GP6: variants seen among roughly 807,000 people sequenced by gnomAD.
The protein encoded by GP6 is platelet glycoprotein VI.
GP6 carries 45 observed loss-of-function variants against 37.3 expected under a neutral mutation model. That is an observed-to-expected ratio of 1.21 (90% CI 0.95 to 1.55). The LOEUF (loss-of-function observed/expected upper bound fraction) is 1.55. Among genes scored for constraint, GP6 ranks in the 40% most tolerant of loss-of-function variants. The pLI is 0.00. For synonymous variants in GP6, 340 were observed against 316.4 expected (o/e 1.07, Z -0.79); for missense variants, 813 against 760.2 (o/e 1.07, Z -0.82).
At chr19:55,035,082 T>TC (rs1396147342) in intron 1 of GP6, among the ~76,000 whole-genome samples, 3 of 152,314 alleles carry the variant, frequency 2.0e-5, no homozygotes, top group Admixed American at 6.5e-5. Context: ...GTGCATGGAC[T>TC]CCAAGTCGCC....
At chr19:55,021,422 T>A (rs1374041534) in intron 5 of GP6, among the ~76,000 whole-genome samples, 2 of 151,676 alleles carry the variant, frequency 1.3e-5, no homozygotes, top group African/African-American at 4.8e-5. Context: ...ATCACCACAC[T>A]GTCTTCCACA....
At chr19:55,034,059 T>G (rs1374229385) in intron 1 of GP6, among the ~76,000 whole-genome samples, 1 of 151,968 alleles carries the variant, frequency 6.6e-6, no homozygotes, top group East Asian at 1.9e-4. Context: ...AGTGCATATA[T>G]GTAAACCTAC....
At chr19:55,018,541 A>T in intron 6 of GP6, 111 bp downstream of exon 6, 2 of 795,722 alleles carry the variant, frequency 2.5e-6, no homozygotes, top group Non-Finnish European at 4.6e-6. Flanking sequence ...TTTCTTGGTA[A>T]GAGACGGACA....
At chr19:55,029,027 GAAGT>G (rs910908710) in intron 3 of GP6, among the ~76,000 whole-genome samples, 14 of 148,822 alleles carry the variant, frequency 9.4e-5, no homozygotes, top group African/African-American at 2.8e-4. Context: ...CAAAAGAAAG[GAAGT>G]AAGGAAGATA....
At position 55,018,683 on chromosome 19, in the gene GP6, G is replaced by C. The variant is rs764192104; in HGVS notation, c.693C>G (p.Thr231=). 1 of 1,608,460 alleles carries C rather than the reference G, an allele frequency of 6.2e-7. No individual in the cohort carries two copies. The highest frequency in any genetic ancestry group is 2.2e-5 in the East Asian group (1 of 44,868). ...TGAAGACTTCGTTTGTGAATGAGAC[G>C]GTCAGTTCAGCGGTGGCTTCTGAGA... The change falls in exon 6 of 8, where the codon ACC becomes ACG. Residue 231 remains threonine (T), a synonymous_variant. Coordinates refer to ENST00000310373, the MANE Select transcript of GP6 (RefSeq NM_001083899.2).
Position 55,014,701 on chromosome 19 carries a change from C to A in GP6, c.1244G>T (p.Gly415Val). Residue 415 changes from glycine (G) to valine (V), a missense_variant, in exon 8 of 8, where the codon GGA (glycine) becomes GTA (valine). Coordinates refer to ENST00000310373, the MANE Select transcript of GP6 (RefSeq NM_001083899.2). Reference sequence around the variant, plus strand: ...AGGATGGGGTCTCCACAGATTCCTTCCATCCCAAATGGAGGGTGCCCTCAG... The same window carrying A: ...AGGATGGGGTCTCCACAGATTCCTTACATCCCAAATGGAGGGTGCCCTCAG... 6.2e-7 allele frequency: 1 copy of A among 1,614,092 alleles called. No homozygotes were observed.
chr19:55,023,986 A>T (rs2074176050), intron 5 of GP6, among the ~76,000 whole-genome samples: 1 of 152,146 alleles, frequency 6.6e-6, no homozygotes, highest in Non-Finnish European at 1.5e-5. Context: ...AGCCCAAGGG[A>T]GGCCCTTGTG....
chr19:55,027,526 A>G, intron 4 of GP6, 52 bp downstream of exon 4: 2 of 1,471,084 alleles, frequency 1.4e-6, no homozygotes, highest in Middle Eastern at 2.0e-4. Context: ...TGGAATGGCC[A>G]TCAGGACCTA....
At chr19:55,034,716 T>TACACACACACACACACAC (rs796869786) in intron 1 of GP6, among the ~76,000 whole-genome samples, 16 of 148,042 alleles carry the variant, frequency 1.1e-4, no homozygotes, top group African/African-American at 3.7e-4. Context: ...CCCTCATTCT[T>TACACACACACACACACAC]ACACACACAC....
At chr19:55,034,104 G>GTA (rs1349404434) in intron 1 of GP6, among the ~76,000 whole-genome samples, 2 of 149,982 alleles carry the variant, frequency 1.3e-5, no homozygotes, top group South Asian at 4.2e-4. Flanking sequence ...ATATACACGT[G>GTA]TGTACATACA....
In GP6 at chr19:55,014,682, G is replaced by A; in HGVS notation, c.1263C>T (p.Pro421=). The change falls in exon 8 of 8, where the codon CCC becomes CCT. Residue 421 remains proline, a synonymous_variant. Transcript: ENST00000310373. ...TCCACAGTGTGCAGGGAGGAGGATG[G>A]GGTCTCCACAGATTCCTTCCATCCC... The A allele has an allele frequency of 6.2e-7, 1 of 1,613,802 alleles. No homozygotes were observed.
chr19:55,026,841 G>C (rs551414451), intron 4 of GP6, among the ~76,000 whole-genome samples: 21 of 151,634 alleles, frequency 1.4e-4, no homozygotes, highest in Admixed American at 7.9e-4. Context: ...AGCTGAGATC[G>C]CGCCACTGCA....
rs753216495 is a variant in GP6, at chr19:55,027,625, G to C, written c.563C>G (p.Pro188Arg). The C allele has an allele frequency of 1.2e-6, 2 of 1,613,662 alleles. No homozygotes were observed. The highest frequency in any genetic ancestry group is 1.1e-5 in the South Asian group (1 of 91,074). Residue 188 changes from proline (P) to arginine (R), a missense_variant, in exon 4 of 8, where the codon CCA (proline) becomes CGA (arginine). Coordinates refer to ENST00000310373, the MANE Select transcript of GP6 (RefSeq NM_001083899.2). The stretch of plus-strand genomic sequence containing the variant: ...GTCGCTGGGGGCTGACCACAGGTAT[G>C]GGTCCCTGCTGGAGAAGCTGTAGCA...
intron 1 of GP6, among the ~76,000 whole-genome samples, chr19:55,035,995 C>T (rs2074815142): frequency 6.6e-6 from 1 of 151,510 alleles, no homozygotes; most frequent in Non-Finnish European, 1.5e-5. Flanking sequence ...ATCACTTAAA[C>T]CCGGGAGGTG....
At chr19:55,035,747 C>T (rs777284693) in intron 1 of GP6, among the ~76,000 whole-genome samples, 8 of 151,872 alleles carry the variant, frequency 5.3e-5, no homozygotes, top group Non-Finnish European at 8.8e-5. Flanking sequence ...AATAAATGAG[C>T]GTGGAATACT....
At chr19:55,024,304 A>G (rs796497860) in intron 5 of GP6, among the ~76,000 whole-genome samples, 31 of 75,728 alleles carry the variant, frequency 4.1e-4, no homozygotes, top group East Asian at 3.5e-3. Context: ...ACGCATGCAC[A>G]CACATATGCA....
intron 5 of GP6, among the ~76,000 whole-genome samples, chr19:55,024,494 T>G (rs2074231071): frequency 6.6e-6 from 1 of 152,180 alleles, no homozygotes; most frequent in Admixed American, 6.5e-5. Context: ...TCTCCTGCCT[T>G]GGTGCTTCAC....
chr19:55,016,368 G>A (rs1019254109), intron 6 of GP6, among the ~76,000 whole-genome samples: 2 of 139,090 alleles, frequency 1.4e-5, no homozygotes, highest in Non-Finnish European at 3.0e-5. Flanking sequence ...CACCTCATAC[G>A]TGCCAGCTTT....
chr19:55,017,893 AC>A (rs1402522869), intron 6 of GP6, among the ~76,000 whole-genome samples: 1 of 99,772 alleles, frequency 1.0e-5, no homozygotes, highest in African/African-American at 3.3e-5. Flanking sequence ...AGATGCTGAA[AC>A]CCCGTCTCTA....
Sources: allele counts gnomAD v4.1 joint callset (sites outside exome capture counted in the v4.1 genomes callset), GRCh38; gene constraint gnomAD v4.1.1; transcripts MANE v1.5; gene names NCBI Gene and HGNC (gene_info 2026-07-23, HGNC 2026-07-21).